The following SGMS1 variants were observed in gnomAD, a reference collection of about 807,000 sequenced individuals.
SGMS1 encodes the protein sphingomyelin synthase 1, also known as phosphatidylcholine:ceramide cholinephosphotransferase 1.
SGMS1 carries 13 observed loss-of-function variants against 46.2 expected under a neutral mutation model. That is an observed-to-expected ratio of 0.28 (90% CI 0.18 to 0.45). SGMS1 has a LOEUF of 0.45. Among genes scored for constraint, SGMS1 ranks in the 20% least tolerant of loss-of-function variants. SGMS1 has a pLI of 1.00. For synonymous variants in SGMS1, 203 were observed against 187.8 expected, an observed-to-expected ratio of 1.08 and a Z score of -0.66; for missense variants, 324 against 519.9, an observed-to-expected ratio of 0.62 and a Z score of 3.66.
At chr10:50,582,866 G>A (rs909836621) in intron 2 of SGMS1, among the ~76,000 whole-genome samples, 2 of 152,196 alleles carry the variant, frequency 1.3e-5, no homozygotes, top group Non-Finnish European at 2.9e-5. Flanking sequence ...ACAGAGGCAA[G>A]TGTGGGGACA....
At chr10:50,357,685 A>C (rs1848176218) in intron 6 of SGMS1, among the ~76,000 whole-genome samples, 1 of 152,214 alleles carries the variant, frequency 6.6e-6, no homozygotes, top group Non-Finnish European at 1.5e-5. Flanking sequence ...TTTGGAAAAC[A>C]TAATACATAA....
At chr10:50,584,691 CA>C (rs1417282688) in intron 2 of SGMS1, among the ~76,000 whole-genome samples, 3 of 152,128 alleles carry the variant, frequency 2.0e-5, no homozygotes, top group Non-Finnish European at 2.9e-5. Flanking sequence ...ATCACTGCCT[CA>C]AAAGGTGACA....
chr10:50,478,190 A>T (rs1457176460), intron 3 of SGMS1, among the ~76,000 whole-genome samples: 1 of 152,224 alleles, frequency 6.6e-6, no homozygotes, highest in Non-Finnish European at 1.5e-5. Context: ...CATGTAGAAG[A>T]TGGTACATGT....
At chr10:50,429,243 T>C (rs1849368178) in intron 6 of SGMS1, among the ~76,000 whole-genome samples, 1 of 152,198 alleles carries the variant, frequency 6.6e-6, no homozygotes, top group Non-Finnish European at 1.5e-5. Context: ...CAAAAGGCAG[T>C]GGTTCCGTAA....
intron 2 of SGMS1, among the ~76,000 whole-genome samples, chr10:50,530,763 G>T (rs1335558625): frequency 6.6e-6 from 1 of 152,098 alleles, no homozygotes; most frequent in Non-Finnish European, 1.5e-5. Context: ...GGGATTGCAG[G>T]CATGAACCAC....
At chr10:50,402,599 A>G (rs1251157763) in intron 6 of SGMS1, among the ~76,000 whole-genome samples, 2 of 152,214 alleles carry the variant, frequency 1.3e-5, no homozygotes, top group African/African-American at 2.4e-5. Flanking sequence ...TTGTGAGGAA[A>G]TCTTTAAAAA....
intron 3 of SGMS1, among the ~76,000 whole-genome samples, chr10:50,514,609 T>C (rs975095826): frequency 6.6e-6 from 1 of 152,170 alleles, no homozygotes; most frequent in African/African-American, 2.4e-5. Flanking sequence ...GCCACATCTT[T>C]GGGGGCCATT....
In SGMS1 at chr10:50,619,493, A is replaced by G. The variant is rs573444938; in HGVS notation, c.-684+4214T>C. Among the ~76,000 whole-genome samples the G allele has an allele frequency of 4.6e-5, 7 of 152,344 alleles. No individual in the cohort carries two copies. In the South Asian group the frequency reaches 1.4e-3, roughly 32 times the overall value. ...TAACAAAATACATACATATGCAAGAACATATCCTGCACTGGAAAGAAGGCT... is the reference window on the plus strand; with the variant it reads ...TAACAAAATACATACATATGCAAGAGCATATCCTGCACTGGAAAGAAGGCT... On this transcript the variant is annotated intron_variant, in intron 1 of 10. Transcript: ENST00000361781.
intron 2 of SGMS1, among the ~76,000 whole-genome samples, chr10:50,565,044 G>A (rs1054935437): frequency 7.9e-5 from 12 of 152,152 alleles, no homozygotes; most frequent in African/African-American, 2.9e-4. Context: ...AGGGTTAGCA[G>A]AAGTAACTTT....
At chr10:50,351,947 G>T (rs147570647) in intron 6 of SGMS1, among the ~76,000 whole-genome samples, 3 of 152,082 alleles carry the variant, frequency 2.0e-5, no homozygotes, top group Non-Finnish European at 2.9e-5. Context: ...GCCCAATTCG[G>T]TCCACAGTGA....
intron 2 of SGMS1, among the ~76,000 whole-genome samples, chr10:50,528,362 G>A (rs552279304): frequency 4.6e-5 from 7 of 152,150 alleles, no homozygotes; most frequent in African/African-American, 1.7e-4. Context: ...AAAACCACTC[G>A]GGGGTTTGTC....
chr10:50,484,110 C>CT (rs1472411705), intron 3 of SGMS1, among the ~76,000 whole-genome samples: 6 of 151,702 alleles, frequency 4.0e-5, no homozygotes, highest in African/African-American at 7.3e-5. Flanking sequence ...CAGGAGCTGG[C>CT]TTTTTTTGAA....
At chr10:50,368,125 A>G (rs1848377834) in intron 6 of SGMS1, among the ~76,000 whole-genome samples, 1 of 152,140 alleles carries the variant, frequency 6.6e-6, no homozygotes, top group South Asian at 2.1e-4. Flanking sequence ...TCTCCTCTAT[A>G]TCCATGTGAT....
chr10:50,306,110 T>C lies in SGMS1; in HGVS notation c.*1032A>G, dbSNP rs1206694659. On this transcript the variant is annotated 3_prime_UTR_variant, in exon 11 of 11. Coordinates refer to ENST00000361781, the MANE Select transcript of SGMS1 (RefSeq NM_147156.4). ...TTTAAGAAAAGATATTCATGGCTGT[T>C]TTCATTGAGTAGTTAAAATTGAACT... 6.5e-6 allele frequency: 1 copy of C among 152,738 alleles called. No homozygotes were observed. Among genetic ancestry groups the C allele is most frequent in the African/African-American group, 2.4e-5 (1 of 41,456 alleles). 9.5% of individuals were successfully genotyped at this position (152,738 alleles called of 1,614,324 possible). A position where few individuals can be genotyped will look rare whatever the true frequency, so the allele number is the denominator to read the frequency against.
chr10:50,391,868 C>CA (rs767325701), intron 6 of SGMS1, among the ~76,000 whole-genome samples: 178 of 145,304 alleles, frequency 1.2e-3, no homozygotes, highest in Admixed American at 1.9e-3. Context: ...AGAATGAGAT[C>CA]ATGTCCTTTG....
intron 1 of SGMS1, among the ~76,000 whole-genome samples, chr10:50,610,902 G>T (rs1341497582): frequency 6.6e-6 from 1 of 152,144 alleles, no homozygotes; most frequent in Non-Finnish European, 1.5e-5. Context: ...AATTCTGAAG[G>T]CTCAGGCTAG....
chr10:50,402,334 C>A (rs1439596603), intron 6 of SGMS1, among the ~76,000 whole-genome samples: 1 of 152,124 alleles, frequency 6.6e-6, no homozygotes, highest in Non-Finnish European at 1.5e-5. Flanking sequence ...CTATTGTTGG[C>A]TTTTATTTCA....
chr10:50,517,931 A>G (rs1837820002), intron 3 of SGMS1, among the ~76,000 whole-genome samples: 1 of 152,206 alleles, frequency 6.6e-6, no homozygotes, highest in South Asian at 2.1e-4. Context: ...AAATAAAGAC[A>G]TTTCAGAAAC....
At chr10:50,400,028 C>CAA (rs55712391) in intron 6 of SGMS1, among the ~76,000 whole-genome samples, 45 of 107,172 alleles carry the variant, frequency 4.2e-4, no homozygotes, top group African/African-American at 9.7e-4. Flanking sequence ...GACTCCTTCT[C>CAA]AAAAAAAAAA....
Sources: gnomAD v4.1 joint callset for allele counts (sites outside exome capture counted in the v4.1 genomes callset) on GRCh38, gnomAD v4.1.1 for gene constraint, MANE v1.5 for transcripts, NCBI Gene and HGNC (gene_info 2026-07-23, HGNC 2026-07-21) for gene names.